Variants in FHOD3 observed in about 807,000 individuals in gnomAD.
The protein encoded by FHOD3 is formin homology 2 domain containing 3, also known as FH1/FH2 domain-containing protein 3.
Under a neutral mutation model 173.0 loss-of-function variants are expected in FHOD3, and 90 were observed. That is an observed-to-expected ratio of 0.52 (90% CI 0.44 to 0.62). The LOEUF (loss-of-function observed/expected upper bound fraction) is 0.62. Among genes scored for constraint, FHOD3 ranks in the 20% least tolerant of loss-of-function variants. FHOD3 has a pLI of 0.00. For synonymous variants in FHOD3, 828 were observed against 823.0 expected (o/e 1.01, Z -0.10); for missense variants, 1,945 against 2,034.7 (o/e 0.96, Z 0.85).
intron 22 of FHOD3, among the ~76,000 whole-genome samples, 168 bp downstream of exon 22, chr18:36,743,024 G>A (rs752945533): frequency 7.9e-5 from 12 of 152,192 alleles, no homozygotes; most frequent in Non-Finnish European, 1.3e-4. Context: ...AGATATCAGG[G>A]CCTAGGCCGG....
At chr18:36,626,401 A>C (rs1202932416) in intron 10 of FHOD3, among the ~76,000 whole-genome samples, 2 of 152,200 alleles carry the variant, frequency 1.3e-5, no homozygotes, top group Non-Finnish European at 2.9e-5. Context: ...AAATGGAATG[A>C]TTGGCAATCC....
chr18:36,535,327 C>T (rs2056952690), intron 5 of FHOD3, among the ~76,000 whole-genome samples: 1 of 152,224 alleles, frequency 6.6e-6, no homozygotes, highest in South Asian at 2.1e-4. Flanking sequence ...CCTGGAGCTG[C>T]AAGCCCATGC....
intron 3 of FHOD3, among the ~76,000 whole-genome samples, chr18:36,400,739 G>A (rs934346919): frequency 1.3e-5 from 2 of 152,244 alleles, no homozygotes; most frequent in Non-Finnish European, 2.9e-5. Context: ...GCTGGGAGCA[G>A]AGGTCTAACC....
rs1462719818 is a variant in FHOD3 at position 36,717,932 on chromosome 18, C to G, written c.2634C>G (p.Asn878Lys). The part of the protein sequence containing the change: ...RFMLDMLYAH[N>K]RKSPDDEEKG... ...TGCTTGACATGCTGTATGCCCATAACAGGAAGTCTCCGGATGATGAGGAGA... is the reference window on the plus strand; with the variant it reads ...TGCTTGACATGCTGTATGCCCATAAGAGGAAGTCTCCGGATGATGAGGAGA... Residue 878 changes from asparagine to lysine, a missense_variant, in exon 19 of 29, where the codon AAC becomes AAG. Asn to Lys is a moderately conservative substitution (Grantham distance 94). Around this residue, in one of 5 missense-constraint regions of FHOD3, gnomAD observed 1,099 missense variants for 1,051.2 expected, o/e 1.05. Transcript: ENST00000590592. The G allele has an allele frequency of 2.5e-6, 4 of 1,613,908 alleles. No individual in the cohort carries two copies. The highest frequency in any genetic ancestry group is 3.4e-6 in the Non-Finnish European group (4 of 1,180,002).
chr18:36,754,085 A>G (rs1265789128), intron 24 of FHOD3, among the ~76,000 whole-genome samples: 1 of 152,224 alleles, frequency 6.6e-6, no homozygotes, highest in East Asian at 1.9e-4. Flanking sequence ...TGCTTTGGGT[A>G]TCATATCTAA....
In FHOD3 at chr18:36,730,626, T is replaced by G; in HGVS notation, c.3418-20T>G. The G allele has an allele frequency of 6.2e-7, 1 of 1,606,870 alleles. No homozygotes were observed. The highest frequency in any genetic ancestry group is 8.5e-7 in the Non-Finnish European group (1 of 1,177,204). On this transcript the variant is annotated intron_variant, in intron 19 of 28. Transcript: ENST00000590592. ...CCAAGATGATGCATTAATCTTGGATTCTCCTTTTTTATCACTAAGAAAACT... is the reference window on the plus strand; with the variant it reads ...CCAAGATGATGCATTAATCTTGGATGCTCCTTTTTTATCACTAAGAAAACT...
intron 3 of FHOD3, among the ~76,000 whole-genome samples, chr18:36,398,915 A>C (rs1468800174): frequency 6.6e-6 from 1 of 152,126 alleles, no homozygotes; most frequent in Non-Finnish European, 1.5e-5. Flanking sequence ...TATGTGTGGC[A>C]TGTGGGAAGG....
intron 4 of FHOD3, among the ~76,000 whole-genome samples, chr18:36,511,921 A>T (rs2055677147): frequency 6.6e-6 from 1 of 152,206 alleles, no homozygotes; most frequent in African/African-American, 2.4e-5. Context: ...TACAGGCAGC[A>T]CAACTACTGG....
At chr18:36,543,249 T>TAC (rs151261074) in intron 5 of FHOD3, among the ~76,000 whole-genome samples, 13,347 of 151,790 alleles carry the variant, frequency 0.088, 722 homozygotes, top group South Asian at 0.22. Flanking sequence ...ATATAGTGTG[T>TAC]ATATATACAT....
In FHOD3 at chr18:36,779,986, T is replaced by C. The variant is rs1352986048; in HGVS notation, c.*456T>C. On this transcript the variant is annotated 3_prime_UTR_variant, in exon 29 of 29. Transcript: ENST00000590592. ...GTTTACCTGTTGTGGATTTTAGATG[T>C]AACAAATGTTTATACAAATACATAC... 2.0e-5 allele frequency: 10 copies of C among 512,242 alleles called. No individual in the cohort carries two copies. The East Asian group carries it at 3.4e-4, about 18-fold the overall frequency. 31.7% of individuals were successfully genotyped at this position (512,242 alleles called of 1,614,324 possible).
chr18:36,443,664 A>G (rs182258664), intron 3 of FHOD3, among the ~76,000 whole-genome samples: 453 of 152,278 alleles, frequency 3.0e-3, no homozygotes, highest in African/African-American at 0.01. Context: ...TGAAGGCTGG[A>G]TGTGCTCATT....
At chr18:36,726,295 G>T (rs1389719412) in intron 19 of FHOD3, among the ~76,000 whole-genome samples, 1 of 152,050 alleles carries the variant, frequency 6.6e-6, no homozygotes, top group Non-Finnish European at 1.5e-5. Context: ...AGAAAATGTT[G>T]TCATTTTCTT....
chr18:36,671,714 C>T (rs933149262), intron 14 of FHOD3, among the ~76,000 whole-genome samples: 3 of 152,202 alleles, frequency 2.0e-5, no homozygotes, highest in African/African-American at 7.2e-5. Context: ...TGGCATTGCT[C>T]ATATCACTGA....
At chr18:36,614,815 C>T (rs1382912630) in intron 9 of FHOD3, among the ~76,000 whole-genome samples, 31 of 148,522 alleles carry the variant, frequency 2.1e-4, no homozygotes, top group Admixed American at 1.4e-3. Flanking sequence ...ATATTTATTC[C>T]GATCCTTTGC....
intron 1 of FHOD3, among the ~76,000 whole-genome samples, chr18:36,344,252 A>G (rs2045775795): frequency 6.6e-6 from 1 of 152,218 alleles, no homozygotes; most frequent in African/African-American, 2.4e-5. Context: ...GAAATGCAGG[A>G]AAGATTGAAG....
At chr18:36,391,970 C>T (rs1760078368) in intron 3 of FHOD3, among the ~76,000 whole-genome samples, 1 of 152,198 alleles carries the variant, frequency 6.6e-6, no homozygotes, top group Admixed American at 6.5e-5. Flanking sequence ...GCATGTAAAG[C>T]ACTTGTCATA....
At chr18:36,738,517 C>T (rs1275610304) in intron 20 of FHOD3, among the ~76,000 whole-genome samples, 9 of 152,112 alleles carry the variant, frequency 5.9e-5, no homozygotes, top group African/African-American at 2.4e-5. Context: ...TTTTGCCTAA[C>T]GTGGGTTATA....
chr18:36,363,875 A>G (rs2046755629), intron 2 of FHOD3, among the ~76,000 whole-genome samples: 1 of 139,366 alleles, frequency 7.2e-6, no homozygotes, highest in South Asian at 2.8e-4. Flanking sequence ...CAAGATGTTA[A>G]TAGGAGAAAT....
chr18:36,765,740 A>G (rs2043111449), intron 27 of FHOD3, among the ~76,000 whole-genome samples: 1 of 152,176 alleles, frequency 6.6e-6, no homozygotes, highest in Admixed American at 6.5e-5. Flanking sequence ...GCAAAAGAGG[A>G]TTAGTGAATT....
Sources: gnomAD v4.1 joint callset for allele counts (sites outside exome capture counted in the v4.1 genomes callset) on GRCh38, gnomAD v4.1.1 for gene constraint, gnomAD v4.1.1 regional missense constraint, MANE v1.5 for transcripts, NCBI Gene and HGNC (gene_info 2026-07-23, HGNC 2026-07-21) for gene names.